LDB2: variants seen among roughly 807,000 people sequenced by gnomAD.
The protein encoded by LDB2 is LIM domain-binding protein 2.
LDB2 carries 12 observed loss-of-function variants against 44.3 expected under a neutral mutation model. The observed-to-expected ratio is 0.27, with a 90% CI of 0.17 to 0.44. LDB2 has a LOEUF of 0.44. LDB2 is among the 20% of genes least tolerant of loss of function. The pLI is 1.00. For synonymous variants in LDB2, 164 were observed against 174.8 expected (o/e 0.94, Z 0.49); for missense variants, 344 against 473.5 (o/e 0.73, Z 2.54).
chr4:16,681,074 T>C (rs1356079270), intron 2 of LDB2, among the ~76,000 whole-genome samples: 1 of 152,150 alleles, frequency 6.6e-6, no homozygotes, highest in Non-Finnish European at 1.5e-5. Flanking sequence ...GTAAATGAAA[T>C]CCCAAATCAG....
intron 2 of LDB2, among the ~76,000 whole-genome samples, chr4:16,720,273 C>G (rs2645256): frequency 6.7e-6 from 1 of 150,372 alleles, no homozygotes; most frequent in East Asian, 2.0e-4. Flanking sequence ...GTGGTGGGGG[C>G]GGGTAGTATT....
chr4:16,712,071 A>T (rs1307547420), intron 2 of LDB2, among the ~76,000 whole-genome samples: 1 of 152,224 alleles, frequency 6.6e-6, no homozygotes, highest in East Asian at 1.9e-4. Flanking sequence ...TTTGGACCTC[A>T]TCAAAATTTT....
rs1367895642 is a variant in LDB2, at chr4:16,582,265, A to G, written c.615+3657T>C. Among the ~76,000 whole-genome samples the G allele has an allele frequency of 6.6e-6, 1 of 152,208 alleles. No individual in the cohort carries two copies. The highest frequency in any genetic ancestry group is 1.5e-5 in the Non-Finnish European group (1 of 68,040). ...GTGTGTCAGAAATGCTTGTGAAATG[A>G]ACAATGAATAAATGGGCAAACAGGA... On this transcript the variant is annotated intron_variant, in intron 5 of 7. Transcript: ENST00000304523. The surrounding 1 kb of genome is among the most constrained non-coding windows in gnomAD (Gnocchi z 4.8).
chr4:16,686,778 G>T (rs900244864), intron 2 of LDB2, among the ~76,000 whole-genome samples: 4 of 152,344 alleles, frequency 2.6e-5, no homozygotes, highest in Non-Finnish European at 5.9e-5. Context: ...AACTCAGGTT[G>T]CCAGTAGCAT....
chr4:16,639,433 G>T, intron 2 of LDB2, among the ~76,000 whole-genome samples: 1 of 152,138 alleles, frequency 6.6e-6, no homozygotes. Context: ...TTTGATGAAA[G>T]AAAACAGGGG....
At chr4:16,723,960 C>T (rs1032532226) in intron 2 of LDB2, among the ~76,000 whole-genome samples, 3 of 152,104 alleles carry the variant, frequency 2.0e-5, no homozygotes, top group Admixed American at 1.3e-4. Context: ...AATTTTTCAT[C>T]CATTCAAACG....
chr4:16,530,003 G>A (rs1434298192), intron 5 of LDB2, among the ~76,000 whole-genome samples: 1 of 152,186 alleles, frequency 6.6e-6, no homozygotes, highest in African/African-American at 2.4e-5. Flanking sequence ...TAACCCAGGT[G>A]CCTTCCAGTA....
chr4:16,576,558 C>T (rs1025652623), intron 5 of LDB2, among the ~76,000 whole-genome samples: 2 of 152,090 alleles, frequency 1.3e-5, no homozygotes, highest in African/African-American at 4.8e-5. Flanking sequence ...CTGAACACCT[C>T]AACAATGAGT....
intron 5 of LDB2, among the ~76,000 whole-genome samples, chr4:16,583,647 G>A (rs1403893015): frequency 6.6e-6 from 1 of 152,196 alleles, no homozygotes; most frequent in Non-Finnish European, 1.5e-5. Flanking sequence ...CATTCTCAGT[G>A]ACCTACCCCA....
chr4:16,790,558 C>A (rs188956636), intron 1 of LDB2, among the ~76,000 whole-genome samples: 1 of 152,284 alleles, frequency 6.6e-6, no homozygotes. Flanking sequence ...TGTGTACGTA[C>A]ACTCCATGAC....
intron 2 of LDB2, among the ~76,000 whole-genome samples, chr4:16,749,223 C>CA (rs5856382): frequency 0.08 from 12,200 of 151,814 alleles, 1,070 homozygotes; most frequent in African/African-American, 0.22. Flanking sequence ...GCACCAAAGA[C>CA]AAAAAATCAG....
intron 5 of LDB2, among the ~76,000 whole-genome samples, chr4:16,512,466 C>A (rs533930504): frequency 2.3e-4 from 34 of 151,086 alleles, no homozygotes; most frequent in South Asian, 4.2e-4. Flanking sequence ...AAAACAAAAA[C>A]AAACAAACAA....
At chr4:16,585,338 T>C (rs1577994232) in intron 5 of LDB2, among the ~76,000 whole-genome samples, 1 of 151,926 alleles carries the variant, frequency 6.6e-6, no homozygotes, top group Non-Finnish European at 1.5e-5. Context: ...GATGGGCGGG[T>C]GGGGAGCACA....
chr4:16,652,911 C>T (rs545784250), intron 2 of LDB2, among the ~76,000 whole-genome samples: 2 of 152,210 alleles, frequency 1.3e-5, no homozygotes, highest in South Asian at 4.2e-4. Context: ...TCAGTAAACA[C>T]TGAATATAAC....
intron 1 of LDB2, among the ~76,000 whole-genome samples, chr4:16,809,989 T>C (rs1273146889): frequency 6.6e-6 from 1 of 152,216 alleles, no homozygotes; most frequent in Non-Finnish European, 1.5e-5. Flanking sequence ...ATTGTCAGTA[T>C]TGACAAACAG....
intron 2 of LDB2, among the ~76,000 whole-genome samples, chr4:16,683,908 GAGA>G (rs1355044060): frequency 9.9e-5 from 15 of 152,214 alleles, no homozygotes; most frequent in Non-Finnish European, 1.5e-4. Flanking sequence ...TGGGAAAATA[GAGA>G]AGAAGGCTCA....
chr4:16,613,437 T>A (rs1726226308), intron 2 of LDB2, among the ~76,000 whole-genome samples: 1 of 152,196 alleles, frequency 6.6e-6, no homozygotes, highest in African/African-American at 2.4e-5. Context: ...TCTTTGCAGA[T>A]GACATGTGCC....
At chr4:16,723,126 A>C (rs518223) in intron 2 of LDB2, among the ~76,000 whole-genome samples, 2 of 152,012 alleles carry the variant, frequency 1.3e-5, no homozygotes, top group African/African-American at 4.8e-5. Context: ...GACACTTCCT[A>C]ATGATGACAA....
chr4:16,766,507 TATA>T (rs1423807718), intron 1 of LDB2, among the ~76,000 whole-genome samples: 2,207 of 63,030 alleles, frequency 0.035, 77 homozygotes, highest in African/African-American at 0.099. Context: ...TGTGTGTGTA[TATA>T]TTTTTTTTTT....
Sources: gnomAD v4.1 joint callset for allele counts (sites outside exome capture counted in the v4.1 genomes callset) on GRCh38, gnomAD v4.1.1 for gene constraint, Gnocchi (gnomAD v3.1) non-coding constraint, MANE v1.5 for transcripts, NCBI Gene and HGNC (gene_info 2026-07-23, HGNC 2026-07-21) for gene names.